The following PDE3B variants were observed in gnomAD, a reference collection of about 807,000 sequenced individuals.
The protein encoded by PDE3B is phosphodiesterase 3B.
In PDE3B, 66 loss-of-function variants were observed where a neutral mutation model predicts 116.8. That is an observed-to-expected ratio of 0.56 (90% CI 0.46 to 0.69). PDE3B has a LOEUF of 0.69. PDE3B is among the 30% of genes least tolerant of loss of function. PDE3B has a pLI of 0.00. For synonymous variants in PDE3B, 595 were observed against 533.6 expected (o/e 1.12, Z -1.59); for missense variants, 1,384 against 1,368.1 (o/e 1.01, Z -0.18).
chr11:14,658,870 A>G (rs1565076503), intron 1 of PDE3B, among the ~76,000 whole-genome samples: 1 of 152,240 alleles, frequency 6.6e-6, no homozygotes, highest in Non-Finnish European at 1.5e-5. Flanking sequence ...ATTCAGGGAC[A>G]GTATCTTATT....
At chr11:14,880,521 G>T in the PDE3B span, 1 of 1,613,452 alleles carries the variant, frequency 6.2e-7, no homozygotes, top group Non-Finnish European at 8.5e-7. Flanking sequence ...GCTGAAAATC[G>T]GTGTCTTCAT....
the PDE3B span, chr11:14,879,452 GAA>G: frequency 6.3e-7 from 1 of 1,589,268 alleles, no homozygotes; most frequent in East Asian, 2.2e-5. Flanking sequence ...TCCTGTCAGA[GAA>G]AAAGTATTCA....
chr11:14,888,405 G>A, the PDE3B span, among the ~76,000 whole-genome samples: 1 of 152,176 alleles, frequency 6.6e-6, no homozygotes, highest in Non-Finnish European at 1.5e-5. Context: ...TGGGCTAAAT[G>A]CTAATAACAG....
chr11:14,676,215 C>G (rs1457970668), intron 1 of PDE3B, among the ~76,000 whole-genome samples: 2 of 152,132 alleles, frequency 1.3e-5, no homozygotes, highest in East Asian at 3.8e-4. Context: ...TTGTTTTAGA[C>G]AGTCATGCGT....
chr11:14,803,992 C>A lies in PDE3B; in HGVS notation c.1464C>A (p.Ile488=). 1 of 1,611,584 alleles carries A rather than the reference C, an allele frequency of 6.2e-7. No individual in the cohort carries two copies. The highest frequency in any genetic ancestry group is 8.5e-7 in the Non-Finnish European group (1 of 1,177,802). The part of the protein sequence containing the change: ...NGPFNSNLLT[I]PKQRSSSVSL... ...CTTTTAATTCAAATCTACTGACTAT[C>A]CCGAAGCAAAGGTCATCTTCTGTAT... The change falls in exon 5 of 16, where the codon ATC becomes ATA. Residue 488 remains isoleucine (I), a synonymous_variant. Coordinates refer to ENST00000282096, the MANE Select transcript of PDE3B (RefSeq NM_000922.4).
intron 4 of PDE3B, among the ~76,000 whole-genome samples, chr11:14,799,336 A>C (rs897311871): frequency 4.6e-5 from 7 of 152,056 alleles, no homozygotes; most frequent in Non-Finnish European, 1.0e-4. Context: ...TTTGCTGAGG[A>C]GTGTTTTACT....
the PDE3B span, among the ~76,000 whole-genome samples, chr11:14,896,656 G>A: frequency 6.6e-6 from 1 of 152,108 alleles, no homozygotes; most frequent in Non-Finnish European, 1.5e-5. Context: ...TATATCCAGG[G>A]ACTCCCCCAT....
intron 1 of PDE3B, among the ~76,000 whole-genome samples, chr11:14,752,482 T>G (rs1857080039): frequency 6.6e-6 from 1 of 152,182 alleles, no homozygotes; most frequent in Non-Finnish European, 1.5e-5. Context: ...CATAGGTAAT[T>G]TTGAGGTTTG....
At position 14,834,508 on chromosome 11, in the gene PDE3B, C is replaced by CA. The variant is rs1859993636; in HGVS notation, c.2207-473dup. ...GTTTTATTGATCATATATGATGTGT[C>CA]AGACACTGTGCTGGATGCTTTCACA... On this transcript the variant is annotated intron_variant, in intron 10 of 15. Transcript: ENST00000282096. 3.3e-5 allele frequency among the ~76,000 whole-genome samples: 5 copies of CA among 152,168 alleles called. No individual in the cohort carries two copies. The South Asian group carries it at 1.0e-3, about 32-fold the overall frequency.
the PDE3B span, chr11:14,892,031 A>G: frequency 2.5e-6 from 4 of 1,613,206 alleles, no homozygotes; most frequent in East Asian, 8.9e-5. Context: ...GGAAGCTCGG[A>G]TGAGGCTGCC....
chr11:14,664,620 C>T (rs1565080123), intron 1 of PDE3B, among the ~76,000 whole-genome samples: 1 of 152,178 alleles, frequency 6.6e-6, no homozygotes, highest in South Asian at 2.1e-4. Context: ...AAACTACCGT[C>T]AGAGGATACT....
chr11:14,756,148 T>G (rs567637645), intron 1 of PDE3B, among the ~76,000 whole-genome samples: 18 of 152,328 alleles, frequency 1.2e-4, no homozygotes, highest in African/African-American at 4.1e-4. Context: ...TCTAGTGTTC[T>G]TTCTAGTGAA....
rs1326158471 is a variant in PDE3B, at chr11:14,830,716, T to C, written c.1826T>C (p.Phe609Ser). The C allele has an allele frequency of 1.4e-6, 2 of 1,471,314 alleles. No individual in the cohort carries two copies. The highest frequency in any genetic ancestry group is 1.5e-5 in the African/African-American group (1 of 68,252). The allele number at this position is 1,471,314 out of a possible 1,614,324, so 91.1% of individuals were successfully genotyped here. A position where few individuals can be genotyped will look rare whatever the true frequency, so the allele number is the denominator to read the frequency against. ...TTGAAAGGTGAAGAAGAAAACATTT[T>C]CTCGAAAGAATCATTCAAACTTATG... is the stretch of plus-strand genomic sequence containing the variant. ...SGKSGEEENI[F>S]SKESFKLMET... The change falls in exon 8 of 16, where the codon TTC becomes TCC. Residue 609 changes from phenylalanine (F) to serine (S), a missense_variant. Transcript: ENST00000282096.
chr11:14,846,563 A>G (rs2133977013), intron 12 of PDE3B, among the ~76,000 whole-genome samples: 1 of 152,338 alleles, frequency 6.6e-6, no homozygotes, highest in African/African-American at 2.4e-5. Flanking sequence ...TAAAGAGTCA[A>G]GACCCATCAG....
chr11:14,742,280 T>C (rs1017617122), intron 1 of PDE3B, among the ~76,000 whole-genome samples: 5 of 152,192 alleles, frequency 3.3e-5, no homozygotes, highest in Non-Finnish European at 7.3e-5. Context: ...GGAGGCTTTG[T>C]TCGTTCCTTT....
intron 1 of PDE3B, among the ~76,000 whole-genome samples, chr11:14,713,887 A>G (rs1432267943): frequency 6.6e-6 from 1 of 152,186 alleles, no homozygotes; most frequent in Non-Finnish European, 1.5e-5. Context: ...CACTACAGGC[A>G]GAGGAAATAG....
chr11:14,787,812 T>C (rs2133917603), intron 3 of PDE3B, among the ~76,000 whole-genome samples: 1 of 151,952 alleles, frequency 6.6e-6, no homozygotes, highest in African/African-American at 2.4e-5. Flanking sequence ...AACTCTAATG[T>C]ATTCTTGAGT....
chr11:14,736,007 GTTGA>G (rs1856588482), intron 1 of PDE3B, among the ~76,000 whole-genome samples: 1 of 141,374 alleles, frequency 7.1e-6, no homozygotes, highest in Admixed American at 6.9e-5. Flanking sequence ...ACTCCTTATT[GTTGA>G]TTGACACAGT....
chr11:14,831,825 A>G, intron 9 of PDE3B, 48 bp downstream of exon 9: 4 of 1,435,378 alleles, frequency 2.8e-6, no homozygotes, highest in Non-Finnish European at 3.8e-6. Flanking sequence ...ATTTTTCTTA[A>G]ATCTTTATAA....
Sources: gnomAD v4.1 joint callset for allele counts (sites outside exome capture counted in the v4.1 genomes callset) on GRCh38, gnomAD v4.1.1 for gene constraint, MANE v1.5 for transcripts, NCBI Gene and HGNC (gene_info 2026-07-23, HGNC 2026-07-21) for gene names.